KIAA0825: variants seen among roughly 807,000 people sequenced by gnomAD.
KIAA0825 encodes the protein uncharacterized protein KIAA0825.
In KIAA0825, 119 loss-of-function variants were observed where a neutral mutation model predicts 147.6. The observed-to-expected ratio is 0.81, with a 90% CI of 0.69 to 0.94. KIAA0825 has a LOEUF of 0.94. KIAA0825 is among the 40% of genes least tolerant of loss of function. KIAA0825 has a pLI of 0.00. For synonymous variants in KIAA0825, 470 were observed against 518.1 expected (o/e 0.91, Z 1.26); for missense variants, 1,381 against 1,472.7 (o/e 0.94, Z 1.02).
At chr5:94,264,711 G>A (rs1399002905) in intron 20 of KIAA0825, among the ~76,000 whole-genome samples, 1 of 151,292 alleles carries the variant, frequency 6.6e-6, no homozygotes, top group Non-Finnish European at 1.5e-5. Flanking sequence ...TTTTCTGTAG[G>A]TTGTGTACTA....
At chr5:94,335,410 C>T (rs952342204) in intron 20 of KIAA0825, among the ~76,000 whole-genome samples, 3 of 152,004 alleles carry the variant, frequency 2.0e-5, no homozygotes, top group South Asian at 2.1e-4. Flanking sequence ...ACCAAGTGAT[C>T]TTGGATTAGT....
chr5:94,599,421 T>C (rs1785943010), intron 1 of KIAA0825, among the ~76,000 whole-genome samples: 1 of 149,336 alleles, frequency 6.7e-6, no homozygotes, highest in African/African-American at 2.5e-5. Flanking sequence ...GGGAAAATAT[T>C]AGTCTTCTCA....
intron 2 of KIAA0825, among the ~76,000 whole-genome samples, chr5:94,550,096 A>G (rs1775235607): frequency 6.6e-6 from 1 of 152,176 alleles, no homozygotes; most frequent in Non-Finnish European, 1.5e-5. Flanking sequence ...GTCATTTGCA[A>G]CAACATGGAT....
chr5:94,552,979 A>T (rs1775819352), intron 2 of KIAA0825, among the ~76,000 whole-genome samples: 1 of 152,218 alleles, frequency 6.6e-6, no homozygotes, highest in Non-Finnish European at 1.5e-5. Context: ...AGTTAATAAT[A>T]TACTATATAT....
intron 6 of KIAA0825, among the ~76,000 whole-genome samples, chr5:94,480,833 C>A (rs575633919): frequency 6.6e-6 from 1 of 152,042 alleles, no homozygotes; most frequent in Admixed American, 6.6e-5. Flanking sequence ...ATCCCTCTCC[C>A]CCAAATTAAA....
rs573761332 is a variant in KIAA0825 at position 94,359,948 on chromosome 5, C to T, written c.3710+24420G>A. ...GGCAGACATTGCTAATTGATTACAG[C>T]GCTACAGAAAAATCACTATTCTCCT... On this transcript the variant is annotated intron_variant, in intron 20 of 20. Transcript: ENST00000682413. Among the ~76,000 whole-genome samples, 44 of 152,218 alleles carry T rather than the reference C, an allele frequency of 2.9e-4. No individual in the cohort carries two copies. In the South Asian group the frequency reaches 4.1e-3, roughly 14 times the overall value.
chr5:94,608,298 G>A (rs1458282518), intron 1 of KIAA0825, among the ~76,000 whole-genome samples: 3 of 137,314 alleles, frequency 2.2e-5, no homozygotes, highest in African/African-American at 8.3e-5. Context: ...GTCTCACTCT[G>A]TTGCCTAGGA....
At chr5:94,189,155 TG>T (rs1369307186) in intron 20 of KIAA0825, among the ~76,000 whole-genome samples, 1 of 152,202 alleles carries the variant, frequency 6.6e-6, no homozygotes. Flanking sequence ...TCTTTATACA[TG>T]TTGGATTCGA....
chr5:94,422,499 T>C (rs988036988), intron 14 of KIAA0825, among the ~76,000 whole-genome samples: 75 of 152,190 alleles, frequency 4.9e-4, no homozygotes, highest in Admixed American at 4.9e-3. Context: ...GTAAAATTGA[T>C]ATTAAATACA....
intron 20 of KIAA0825, among the ~76,000 whole-genome samples, chr5:94,191,119 C>T (rs1770639696): frequency 6.6e-6 from 1 of 152,040 alleles, no homozygotes; most frequent in African/African-American, 2.4e-5. Flanking sequence ...TGCTTAAAAT[C>T]ACATATTTTT....
chr5:94,602,828 T>C lies in KIAA0825; in HGVS notation c.-153+15672A>G, dbSNP rs538005892. Among the ~76,000 whole-genome samples, 587 of 149,906 alleles carry C rather than the reference T, an allele frequency of 3.9e-3. 20 individuals carry two copies. The highest frequency in any genetic ancestry group is 1.1e-3 in the Non-Finnish European group (72 of 67,862). On this transcript the variant is annotated intron_variant, in intron 1 of 20. Transcript: ENST00000682413. ...TTTGTAAATTGCCCAATCTCGGGTA[T>C]GCCTTTTTTTTTTTTTTTGAGACAG... is the stretch of plus-strand genomic sequence containing the variant.
intron 14 of KIAA0825, among the ~76,000 whole-genome samples, chr5:94,431,407 G>A (rs1227069049): frequency 6.6e-6 from 1 of 152,198 alleles, no homozygotes; most frequent in Non-Finnish European, 1.5e-5. Context: ...CCAGTCTAAT[G>A]TGTCATGAAC....
At chr5:94,405,909 GTTAT>G (rs747615633) in intron 15 of KIAA0825, among the ~76,000 whole-genome samples, 10 of 151,880 alleles carry the variant, frequency 6.6e-5, no homozygotes, top group Non-Finnish European at 1.2e-4. Flanking sequence ...TTTTACTGCT[GTTAT>G]TTATTTATTT....
intron 14 of KIAA0825, among the ~76,000 whole-genome samples, chr5:94,434,980 C>A (rs1756149716): frequency 6.6e-6 from 1 of 151,972 alleles, no homozygotes; most frequent in Non-Finnish European, 1.5e-5. Context: ...CAGTATTCAA[C>A]AATTATTTAT....
At chr5:94,235,027 A>C (rs527551635) in intron 20 of KIAA0825, among the ~76,000 whole-genome samples, 2 of 135,408 alleles carry the variant, frequency 1.5e-5, no homozygotes, top group African/African-American at 5.3e-5. Context: ...TTCCTCAGGC[A>C]AAAAAAAAAA....
intron 20 of KIAA0825, among the ~76,000 whole-genome samples, chr5:94,272,500 T>G (rs1777038518): frequency 6.6e-6 from 1 of 152,034 alleles, no homozygotes; most frequent in African/African-American, 2.4e-5. Flanking sequence ...AAATTAAAAA[T>G]AAAAAGTTTA....
chr5:94,266,373 A>T (rs147469494), intron 20 of KIAA0825, among the ~76,000 whole-genome samples: 1 of 149,940 alleles, frequency 6.7e-6, no homozygotes, highest in Admixed American at 6.6e-5. Flanking sequence ...TTCCAAATTA[A>T]CAACTCATGA....
intron 20 of KIAA0825, among the ~76,000 whole-genome samples, chr5:94,251,193 A>C (rs1023945811): frequency 6.6e-6 from 1 of 152,118 alleles, no homozygotes; most frequent in African/African-American, 2.4e-5. Context: ...TGATAGAAGC[A>C]CACAAAGGAG....
At chr5:94,608,877 A>T (rs555735590) in intron 1 of KIAA0825, among the ~76,000 whole-genome samples, 65 of 152,238 alleles carry the variant, frequency 4.3e-4, no homozygotes, top group Non-Finnish European at 7.8e-4. Flanking sequence ...GGGAATTTTT[A>T]ACGTTGTATA....
Sources: gnomAD v4.1 joint callset for allele counts (sites outside exome capture counted in the v4.1 genomes callset) on GRCh38, gnomAD v4.1.1 for gene constraint, MANE v1.5 for transcripts, NCBI Gene and HGNC (gene_info 2026-07-23, HGNC 2026-07-21) for gene names.